The following DOCK4 variants were observed in gnomAD, a reference collection of about 807,000 sequenced individuals.
DOCK4 encodes the protein dedicator of cytokinesis 4.
Under a neutral mutation model 268.1 loss-of-function variants are expected in DOCK4, and 97 were observed. The observed-to-expected ratio is 0.36, with a 90% CI of 0.31 to 0.43. The LOEUF is 0.43. Ranked by LOEUF, DOCK4 falls within the 20% of genes least tolerant of loss-of-function variation. The pLI is 1.00. For missense variants in DOCK4, 2,145 were observed against 2,455.7 expected, an observed-to-expected ratio of 0.87 and a Z score of 2.67; for synonymous variants, 954 against 887.2, an observed-to-expected ratio of 1.08 and a Z score of -1.34.
At position 112,132,738 on chromosome 7, in the gene DOCK4, G is replaced by T. The variant is rs141061331; in HGVS notation, c.37+73364C>A. Among the ~76,000 whole-genome samples the T allele has an allele frequency of 1.6e-3, 249 of 152,176 alleles. 1 individual carries two copies. The highest frequency in any genetic ancestry group is 1.4e-3 in the Non-Finnish European group (95 of 67,998). Reference sequence around the variant, plus strand: ...ATACAGAAAGTAGGAGGGAACATGGGACACATGCAAAAAGGTTATTAAAGG... The same window carrying T: ...ATACAGAAAGTAGGAGGGAACATGGTACACATGCAAAAAGGTTATTAAAGG... On this transcript the variant is annotated intron_variant, in intron 1 of 52. Coordinates refer to ENST00000428084, the MANE Select transcript of DOCK4 (RefSeq NM_001363540.2).
chr7:112,041,169 T>C (rs1804322082), intron 1 of DOCK4, among the ~76,000 whole-genome samples: 1 of 152,164 alleles, frequency 6.6e-6, no homozygotes, highest in Non-Finnish European at 1.5e-5. Flanking sequence ...CCAATACCCA[T>C]CTATTGTGAC....
chr7:112,133,782 G>A (rs558242754), intron 1 of DOCK4, among the ~76,000 whole-genome samples: 10 of 152,152 alleles, frequency 6.6e-5, no homozygotes, highest in African/African-American at 1.2e-4. Flanking sequence ...TTGGATGTAC[G>A]GTTATAAAGG....
At chr7:111,795,905 T>C (rs143778427) in intron 30 of DOCK4, among the ~76,000 whole-genome samples, 1 of 152,194 alleles carries the variant, frequency 6.6e-6, no homozygotes, top group African/African-American at 2.4e-5. Flanking sequence ...TGAAGATACA[T>C]AGAGGGCTTT....
Position 111,769,536 on chromosome 7 carries a change from C to A in DOCK4, c.3821G>T (p.Arg1274Ile). Residue 1274 changes from arginine (R) to isoleucine (I), a missense_variant, in exon 37 of 53, where the codon AGA becomes ATA. By Grantham distance (97) the Arg-to-Ile change is moderately conservative. This residue lies in a region of DOCK4 where 1,598 missense variants were observed against 1,986.7 expected (regional missense o/e 0.80). Coordinates refer to ENST00000428084, the MANE Select transcript of DOCK4 (RefSeq NM_001363540.2). ...LHLTIIQNFD[R>I]GKCWENGIIL... ...CGGGGCAGGGCCACTTACTTTGCCTCTGTCAAAGTTCTGGATGATGGTGAG... is the reference window on the plus strand; with the variant it reads ...CGGGGCAGGGCCACTTACTTTGCCTATGTCAAAGTTCTGGATGATGGTGAG... The A allele has an allele frequency of 6.2e-7, 1 of 1,613,678 alleles. No individual in the cohort carries two copies. Among genetic ancestry groups the A allele is most frequent in the Non-Finnish European group, 8.5e-7 (1 of 1,179,738 alleles).
intron 23 of DOCK4, among the ~76,000 whole-genome samples, chr7:111,857,899 C>A (rs563111640): frequency 6.6e-6 from 1 of 152,276 alleles, no homozygotes; most frequent in African/African-American, 2.4e-5. Flanking sequence ...AGAATAAAAT[C>A]TGGGGGAGAA....
At chr7:111,991,766 C>A (rs1459776861) in intron 5 of DOCK4, among the ~76,000 whole-genome samples, 2 of 151,526 alleles carry the variant, frequency 1.3e-5, no homozygotes, top group Non-Finnish European at 2.9e-5. Flanking sequence ...TCGAGACCAT[C>A]CTGGCTAACA....
At chr7:111,764,135 T>A (rs550697895) in intron 39 of DOCK4, among the ~76,000 whole-genome samples, 4 of 152,326 alleles carry the variant, frequency 2.6e-5, no homozygotes, top group African/African-American at 9.6e-5. Flanking sequence ...AGCACCCAAA[T>A]GCATGGTCAT....
At chr7:111,769,507 C>G in intron 37 of DOCK4, 22 bp downstream of exon 37, 1 of 1,612,674 alleles carries the variant, frequency 6.2e-7, no homozygotes, top group Non-Finnish European at 8.5e-7. Flanking sequence ...GGAGGGACCC[C>G]GGGCGGGGCA....
intron 11 of DOCK4, among the ~76,000 whole-genome samples, chr7:111,938,510 G>A (rs570918124): frequency 1.3e-5 from 2 of 152,294 alleles, no homozygotes; most frequent in East Asian, 3.9e-4. Context: ...TAATAAGTCT[G>A]CTCTGAAGAT....
At chr7:112,172,087 T>C in intron 1 of DOCK4, among the ~76,000 whole-genome samples, 1 of 152,338 alleles carries the variant, frequency 6.6e-6, no homozygotes, top group South Asian at 2.1e-4. Context: ...GGCCTGTTAG[T>C]CACATTCCGA....
At chr7:112,089,833 C>T (rs140809407) in intron 1 of DOCK4, among the ~76,000 whole-genome samples, 1 of 152,186 alleles carries the variant, frequency 6.6e-6, no homozygotes. Flanking sequence ...ACTTCCTGTA[C>T]AGCCTGCAGA....
intron 8 of DOCK4, among the ~76,000 whole-genome samples, chr7:111,959,831 C>T (rs73428893): frequency 0.011 from 1,748 of 152,224 alleles, 26 homozygotes; most frequent in African/African-American, 0.039. Flanking sequence ...TTCTTTTCCA[C>T]CTATGATGTT....
At chr7:111,857,703 C>G (rs962719301) in intron 23 of DOCK4, among the ~76,000 whole-genome samples, 1 of 152,182 alleles carries the variant, frequency 6.6e-6, no homozygotes, top group Non-Finnish European at 1.5e-5. Flanking sequence ...GATCTGACCT[C>G]GCGAAGTCCG....
intron 11 of DOCK4, among the ~76,000 whole-genome samples, chr7:111,936,712 T>A (rs766511850): frequency 6.6e-6 from 1 of 152,218 alleles, no homozygotes; most frequent in Non-Finnish European, 1.5e-5. Flanking sequence ...GGCCTGAACA[T>A]CAAGATTCTG....
rs1039598995 is a variant in DOCK4, at chr7:111,994,218, C to A, written c.232G>T (p.Val78Phe). 5 of 1,587,966 alleles carry A rather than the reference C, an allele frequency of 3.1e-6. No homozygotes were observed. In the African/African-American group the frequency reaches 5.4e-5, roughly 17 times the overall value. The change falls in exon 5 of 53, where the codon GTT becomes TTT. Residue 78 changes from valine (V) to phenylalanine (F), a missense_variant. Val to Phe is a conservative substitution (Grantham distance 50). This residue lies in a region of DOCK4 where 1,598 missense variants were observed against 1,986.7 expected (regional missense o/e 0.80). Transcript: ENST00000428084. ...CVKNKGQFEM[V>F]IPTEDSVITE... ...ATAACAGAGTCTTCAGTGGGAATAA[C>A]CATTTCAAATTGTCTGTGAAATTAA...
chr7:111,744,606 C>T (rs1201175414), intron 44 of DOCK4, among the ~76,000 whole-genome samples: 1 of 152,192 alleles, frequency 6.6e-6, no homozygotes, highest in Admixed American at 6.5e-5. Flanking sequence ...GGAAATAATT[C>T]AGTCAGGCTG....
chr7:112,032,823 A>T (rs945091756), intron 1 of DOCK4, among the ~76,000 whole-genome samples: 1 of 152,178 alleles, frequency 6.6e-6, no homozygotes, highest in East Asian at 1.9e-4. Context: ...ATTAGCATTT[A>T]AGCATCCACT....
chr7:112,202,648 TGCTTGAGGCGATCAACCAGGA>T (rs1467213716), intron 1 of DOCK4, among the ~76,000 whole-genome samples: 2 of 152,152 alleles, frequency 1.3e-5, no homozygotes, highest in East Asian at 1.9e-4. Flanking sequence ...GTGGGAGTAT[TGCTTGAGGCGATCAACCAGGA>T]GCTTGAGGCT....
intron 8 of DOCK4, among the ~76,000 whole-genome samples, chr7:111,948,461 A>G (rs7804289): frequency 0.12 from 18,569 of 152,208 alleles, 1,566 homozygotes; most frequent in East Asian, 0.36. Context: ...GTCAAGCCTG[A>G]TCCCAAGAGT....
Sources: gnomAD v4.1 joint callset for allele counts (sites outside exome capture counted in the v4.1 genomes callset) on GRCh38, gnomAD v4.1.1 for gene constraint, gnomAD v4.1.1 regional missense constraint, MANE v1.5 for transcripts, NCBI Gene and HGNC (gene_info 2026-07-23, HGNC 2026-07-21) for gene names.